The following USP3 variants were observed in gnomAD, a reference collection of about 807,000 sequenced individuals.
USP3 encodes the protein ubiquitin carboxyl-terminal hydrolase 3.
USP3 carries 20 observed loss-of-function variants against 72.3 expected under a neutral mutation model. The ratio of observed to expected loss-of-function variants is 0.28; its 90% CI spans 0.19 to 0.40. The LOEUF (loss-of-function observed/expected upper bound fraction) is 0.40, where lower values mean the gene tolerates loss of function less well. USP3 is among the 10% of genes least tolerant of loss of function. USP3 has a pLI of 1.00. For missense variants in USP3, 479 were observed against 633.9 expected (o/e 0.76, Z 2.62); for synonymous variants, 222 against 225.3 (o/e 0.99, Z 0.13).
At position 63,544,515 on chromosome 15, in the gene USP3, G is replaced by T; in HGVS notation, c.284+7359G>T. 1 of 569,756 alleles carries T rather than the reference G, an allele frequency of 1.8e-6. No individual in the cohort carries two copies. The allele number at this position is 569,756 out of a possible 1,614,324, so 35.3% of individuals were successfully genotyped here. ...GAATTAGAGGGGGCAAGTAGTGCAG[G>T]GCAAAAACAGGAAGGAAACGAGTGT... On this transcript the variant is annotated intron_variant, in intron 3 of 14. Transcript: ENST00000380324. This position sits in a 1 kb window ranked among gnomAD's most constrained non-coding sequence, Gnocchi z 4.2.
intron 7 of USP3, 28 bp downstream of exon 7, chr15:63,559,998 G>T (rs1240246967): frequency 6.3e-7 from 1 of 1,587,528 alleles, no homozygotes. Context: ...GTCCTTTCTG[G>T]CTTTGAGTTA....
At chr15:63,554,493 C>A (rs1412725793) in intron 4 of USP3, among the ~76,000 whole-genome samples, 1 of 152,186 alleles carries the variant, frequency 6.6e-6, no homozygotes, top group Non-Finnish European at 1.5e-5. Context: ...AGAAGCATGG[C>A]TCTGGAATGA....
intron 3 of USP3, among the ~76,000 whole-genome samples, chr15:63,547,375 T>G (rs75566637): frequency 0.016 from 2,496 of 152,132 alleles, 67 homozygotes; most frequent in African/African-American, 0.057. Flanking sequence ...GAAATAGAGA[T>G]AGTTGTAAAA....
intron 11 of USP3, among the ~76,000 whole-genome samples, chr15:63,575,973 A>G (rs1458347225): frequency 6.8e-6 from 1 of 147,928 alleles, no homozygotes; most frequent in African/African-American, 2.5e-5. Flanking sequence ...ATGGATATAT[A>G]TCTGAACAAT....
chr15:63,524,219 A>C (rs1385250131), intron 1 of USP3, among the ~76,000 whole-genome samples: 3 of 152,236 alleles, frequency 2.0e-5, no homozygotes, highest in Non-Finnish European at 4.4e-5. Flanking sequence ...ATAAATATCA[A>C]GTCTTTACTC....
intron 2 of USP3, among the ~76,000 whole-genome samples, chr15:63,532,954 A>G (rs367773268): frequency 6.6e-6 from 1 of 152,316 alleles, no homozygotes; most frequent in African/African-American, 2.4e-5. Flanking sequence ...ACAATCTGCT[A>G]ATAATATTTG....
At chr15:63,546,371 T>C (rs1324679012) in intron 3 of USP3, among the ~76,000 whole-genome samples, 1 of 151,824 alleles carries the variant, frequency 6.6e-6, no homozygotes, top group African/African-American at 2.4e-5. Flanking sequence ...CATTCTAGGC[T>C]TCAGAGGACC....
intron 1 of USP3, among the ~76,000 whole-genome samples, chr15:63,518,330 G>A (rs1439047636): frequency 6.6e-6 from 1 of 152,196 alleles, no homozygotes. Context: ...GTATATGCCT[G>A]TGAAAGAAAG....
At position 63,591,693 on chromosome 15, in the gene USP3, C is replaced by CTTACT. The variant is rs2067203495; in HGVS notation, c.*869_*873dup. On this transcript the variant is annotated 3_prime_UTR_variant, in exon 15 of 15. Transcript: ENST00000380324. ...GAAGTCACGACATGTCCATTATAGA[C>CTTACT]TTACTTACTGCTTGTGTTTGGCATC... 6.6e-6 allele frequency: 1 copy of CTTACT among 152,214 alleles called. No individual in the cohort carries two copies. The allele number at this position is 152,214 out of a possible 1,614,324, so 9.4% of individuals were successfully genotyped here.
At chr15:63,541,019 T>A (rs1184706991) in intron 3 of USP3, among the ~76,000 whole-genome samples, 2 of 152,156 alleles carry the variant, frequency 1.3e-5, no homozygotes, top group African/African-American at 4.8e-5. Flanking sequence ...GAACTTTGGT[T>A]TTTTTATGGA....
Position 63,558,156 on chromosome 15 carries a change from A to G in USP3, c.501A>G (p.Thr167=), listed in dbSNP as rs2066543151. The G allele has an allele frequency of 1.9e-6, 3 of 1,613,938 alleles. No homozygotes were observed. Among genetic ancestry groups the G allele is most frequent in the Non-Finnish European group, 2.5e-6 (3 of 1,180,028 alleles). ...CATGLRNLGN[T]CFMNAILQSL... is the part of the protein sequence containing the mutation. Reference sequence around the variant, plus strand: ...CAGGCCTTCGGAATTTGGGGAACACATGTTTCATGAATGCCATCCTTCAGT... The same window carrying G: ...CAGGCCTTCGGAATTTGGGGAACACGTGTTTCATGAATGCCATCCTTCAGT... The change falls in exon 6 of 15, where the codon ACA becomes ACG. Residue 167 remains threonine (T), a synonymous_variant. Transcript: ENST00000380324.
chr15:63,518,504 T>G (rs1412725169), intron 1 of USP3, among the ~76,000 whole-genome samples: 2 of 152,218 alleles, frequency 1.3e-5, no homozygotes, highest in Non-Finnish European at 2.9e-5. Flanking sequence ...TTAAAAAGTA[T>G]GATCTTAATT....
At position 63,504,655 on chromosome 15, in the gene USP3, C is replaced by A; in HGVS notation, c.-85C>A. On this transcript the variant is annotated 5_prime_UTR_variant, in exon 1 of 15. Transcript: ENST00000380324. ...CGGCCGAGCGCCCGGCTAGAAGCGA[C>A]ACCAGACGGAGCCTCCGGAGTTCCT... 2 of 1,230,992 alleles carry A rather than the reference C, an allele frequency of 1.6e-6. No homozygotes were observed. Among genetic ancestry groups the A allele is most frequent in the Non-Finnish European group, 2.2e-6 (2 of 909,034 alleles). 76.3% of individuals were successfully genotyped at this position (1,230,992 alleles called of 1,614,324 possible). A position where few individuals can be genotyped will look rare whatever the true frequency, so the allele number is the denominator to read the frequency against.
At chr15:63,566,796 G>T (rs141231616) in intron 8 of USP3, among the ~76,000 whole-genome samples, 14 of 152,054 alleles carry the variant, frequency 9.2e-5, no homozygotes, top group Non-Finnish European at 1.6e-4. Context: ...TTGTTTTCTG[G>T]TGTTTTTGTT....
At chr15:63,552,871 T>A (rs1199731864) in intron 3 of USP3, among the ~76,000 whole-genome samples, 1 of 152,230 alleles carries the variant, frequency 6.6e-6, no homozygotes, top group East Asian at 1.9e-4. Flanking sequence ...TTATTATTCT[T>A]TGATAGTAAT....
chr15:63,590,853 A>G lies in USP3; in HGVS notation c.*27A>G, dbSNP rs774046076. ...ACCTCCTCCAAATCATCATTCACCA[A>G]CCATACCAGAGAAACATTTCCAGTT... On this transcript the variant is annotated 3_prime_UTR_variant, in exon 15 of 15. Transcript: ENST00000380324. The G allele has an allele frequency of 1.3e-6, 2 of 1,581,666 alleles. No homozygotes were observed. Among genetic ancestry groups the G allele is most frequent in the African/African-American group, 1.4e-5 (1 of 73,716 alleles).
chr15:63,537,054 A>G lies in USP3; in HGVS notation c.182A>G (p.Tyr61Cys). 1.2e-6 allele frequency: 2 copies of G among 1,613,882 alleles called. No homozygotes were observed. The highest frequency in any genetic ancestry group is 1.7e-6 in the Non-Finnish European group (2 of 1,179,962). ...GTGAATGGCCATGCAAAAAAACATT[A>G]TGAAGATGCACAAGTACCTTTAACC... ...RYVNGHAKKHYEDAQVPLTNH... is the reference protein window; with the variant it reads ...RYVNGHAKKHCEDAQVPLTNH... The change falls in exon 3 of 15, where the codon TAT becomes TGT. Residue 61 changes from tyrosine to cysteine, a missense_variant. Transcript: ENST00000380324.
chr15:63,537,416 A>G (rs1296794048), intron 3 of USP3, among the ~76,000 whole-genome samples: 4 of 152,004 alleles, frequency 2.6e-5, no homozygotes, highest in African/African-American at 9.7e-5. Flanking sequence ...AAGGAAATAG[A>G]TCTATTTCTT....
At chr15:63,516,897 C>T (rs2065857252) in intron 1 of USP3, among the ~76,000 whole-genome samples, 1 of 150,434 alleles carries the variant, frequency 6.6e-6, no homozygotes, top group Non-Finnish European at 1.5e-5. Context: ...GTGTGCTCCT[C>T]CCCCCATACT....
Sources: allele counts gnomAD v4.1 joint callset (sites outside exome capture counted in the v4.1 genomes callset), GRCh38; gene constraint gnomAD v4.1.1; non-coding constraint Gnocchi (gnomAD v3.1); transcripts MANE v1.5; gene names NCBI Gene and HGNC (gene_info 2026-07-23, HGNC 2026-07-21).